The following FGF12 variants were observed in gnomAD, a reference collection of about 807,000 sequenced individuals.
The protein encoded by FGF12 is fibroblast growth factor 12B.
FGF12 carries 14 observed loss-of-function variants against 23.6 expected under a neutral mutation model. That is an observed-to-expected ratio of 0.59 (90% confidence interval 0.39 to 0.93). The LOEUF (loss-of-function observed/expected upper bound fraction) is 0.93. Among genes scored for constraint, FGF12 ranks in the 40% least tolerant of loss-of-function variants. The pLI is 0.00. For synonymous variants in FGF12, 62 were observed against 77.3 expected (o/e 0.80, Z 1.04); for missense variants, 175 against 217.8 (o/e 0.80, Z 1.24).
At chr3:192,426,071 A>G (rs1362584099) in intron 2 of FGF12, among the ~76,000 whole-genome samples, 1 of 152,208 alleles carries the variant, frequency 6.6e-6, no homozygotes, top group African/African-American at 2.4e-5. Flanking sequence ...ATAAGTAGAA[A>G]AACACATATA....
At chr3:192,718,747 G>T (rs1457138841) in intron 2 of FGF12, among the ~76,000 whole-genome samples, 1 of 152,052 alleles carries the variant, frequency 6.6e-6, no homozygotes, top group Admixed American at 6.5e-5. Flanking sequence ...TTCTCACTCA[G>T]AATCAAATTA....
In FGF12 at chr3:192,707,476, G is replaced by A. The variant is rs138349712; in HGVS notation, c.13+19705C>T. ...AAGAATGAGAACAATAGCTGGGTGC[G>A]GTGGCTCACGCCTGTAATCCCAGCA... On this transcript the variant is annotated intron_variant, in intron 2 of 5. Coordinates refer to ENST00000445105, the MANE Select transcript of FGF12 (RefSeq NM_004113.6). 2.0e-3 allele frequency among the ~76,000 whole-genome samples: 299 copies of A among 152,226 alleles called. 1 individual carries two copies. Among genetic ancestry groups the A allele is most frequent in the African/African-American group, 6.8e-3 (281 of 41,542 alleles).
chr3:192,686,055 A>C (rs970336447), intron 2 of FGF12, among the ~76,000 whole-genome samples: 1 of 152,206 alleles, frequency 6.6e-6, no homozygotes, highest in Non-Finnish European at 1.5e-5. Flanking sequence ...GGAGCTAGAA[A>C]GAGTTGGAAG....
At chr3:192,607,848 A>T (rs1468016586) in intron 2 of FGF12, among the ~76,000 whole-genome samples, 4 of 33,586 alleles carry the variant, frequency 1.2e-4, no homozygotes, top group African/African-American at 2.2e-4. Flanking sequence ...CTGAAAATTA[A>T]AAAAAAAAAA....
At chr3:192,383,818 G>T (rs1719929341) in intron 2 of FGF12, among the ~76,000 whole-genome samples, 1 of 152,164 alleles carries the variant, frequency 6.6e-6, no homozygotes, top group Non-Finnish European at 1.5e-5. Flanking sequence ...GATATTTTCA[G>T]TTGGAGGCAC....
chr3:192,230,815 C>A, intron 4 of FGF12, among the ~76,000 whole-genome samples: 1 of 152,098 alleles, frequency 6.6e-6, no homozygotes, highest in East Asian at 1.9e-4. Context: ...AAGGAATGAT[C>A]AATCAAATTC....
Position 192,686,698 on chromosome 3 carries a change from G to A in FGF12, c.13+40483C>T, listed in dbSNP as rs1717748557. 5.9e-5 allele frequency among the ~76,000 whole-genome samples: 9 copies of A among 151,826 alleles called. No homozygotes were observed. In the South Asian group the frequency reaches 1.7e-3, roughly 28 times the overall value. ...AAGGAGATGTGTAAGGCTCAGGGAT[G>A]GAGGTATATGAGGGAAAGAGATTTC... On this transcript the variant is annotated intron_variant, in intron 2 of 5. Coordinates refer to ENST00000445105, the MANE Select transcript of FGF12 (RefSeq NM_004113.6).
chr3:192,400,965 C>T lies in FGF12; in HGVS notation c.14-40427G>A, dbSNP rs182043780. Among the ~76,000 whole-genome samples the T allele has an allele frequency of 2.0e-5, 3 of 152,258 alleles. No individual in the cohort carries two copies. The East Asian group carries it at 5.8e-4, about 29-fold the overall frequency. On this transcript the variant is annotated intron_variant, in intron 2 of 5. Transcript: ENST00000445105. The stretch of plus-strand genomic sequence containing the variant: ...CTTTTTGTTTTCAGGATCCTTTACA[C>T]TCCTAGAAAGTATTGAGTACCCCGA...
intron 2 of FGF12, among the ~76,000 whole-genome samples, chr3:192,495,706 G>A (rs1723935353): frequency 6.6e-6 from 1 of 151,980 alleles, no homozygotes; most frequent in African/African-American, 2.4e-5. Flanking sequence ...TTGCTCTGTT[G>A]CCCAGGCTTA....
chr3:192,410,045 C>CGCA (rs1721143898), intron 2 of FGF12, among the ~76,000 whole-genome samples: 2 of 151,008 alleles, frequency 1.3e-5, no homozygotes, highest in Admixed American at 1.3e-4. Context: ...GCAGGAAACT[C>CGCA]GGGGCCCGGG....
chr3:192,681,706 C>G (rs1717532921), intron 2 of FGF12, among the ~76,000 whole-genome samples: 1 of 151,826 alleles, frequency 6.6e-6, no homozygotes, highest in African/African-American at 2.4e-5. Context: ...CTCCTTTTTT[C>G]AAGGAAATAT....
At chr3:192,158,675 T>TTCTTTCCTTCCTTCCTTCCCTCCCTCC (rs1560171976) in intron 5 of FGF12, among the ~76,000 whole-genome samples, 1 of 63,572 alleles carries the variant, frequency 1.6e-5, no homozygotes, top group Non-Finnish European at 2.6e-5. Context: ...CCTCCCTCCC[T>TTCTTTCCTTCCTTCCTTCCCTCCCTCC]CTCTCTCTCT....
At chr3:192,557,825 A>G (rs1291499480) in intron 2 of FGF12, among the ~76,000 whole-genome samples, 1 of 151,942 alleles carries the variant, frequency 6.6e-6, no homozygotes, top group Non-Finnish European at 1.5e-5. Flanking sequence ...TAACCACATC[A>G]TCAACTCAAT....
intron 3 of FGF12, among the ~76,000 whole-genome samples, chr3:192,348,182 G>C (rs1718049769): frequency 6.6e-6 from 1 of 152,134 alleles, no homozygotes; most frequent in South Asian, 2.1e-4. Context: ...TAATACTGTG[G>C]AGTGGGCTTA....
intron 2 of FGF12, among the ~76,000 whole-genome samples, chr3:192,694,756 C>T (rs1229988996): frequency 2.0e-5 from 3 of 151,848 alleles, no homozygotes; most frequent in African/African-American, 7.3e-5. Context: ...GAACATTATG[C>T]TAAGTGAAAT....
chr3:192,174,298 G>A (rs1715738357), intron 4 of FGF12, among the ~76,000 whole-genome samples: 1 of 152,180 alleles, frequency 6.6e-6, no homozygotes, highest in Non-Finnish European at 1.5e-5. Flanking sequence ...GGGGTCCTGA[G>A]CCAGGAACCG....
intron 2 of FGF12, among the ~76,000 whole-genome samples, chr3:192,482,588 C>T (rs185270767): frequency 1.7e-3 from 264 of 152,158 alleles, no homozygotes; most frequent in African/African-American, 5.9e-3. Flanking sequence ...GAGCCAAGAT[C>T]GCATCAGTGC....
At chr3:192,696,203 C>T (rs941645665) in intron 2 of FGF12, among the ~76,000 whole-genome samples, 1 of 151,586 alleles carries the variant, frequency 6.6e-6, no homozygotes, top group African/African-American at 2.4e-5. Flanking sequence ...AGTGGAAAAC[C>T]CCATTTGTAC....
At chr3:192,532,862 A>C (rs1431811128) in intron 2 of FGF12, among the ~76,000 whole-genome samples, 1 of 152,108 alleles carries the variant, frequency 6.6e-6, no homozygotes, top group African/African-American at 2.4e-5. Flanking sequence ...TTTTTAATGC[A>C]TAGTCATTTG....
Sources: allele counts gnomAD v4.1 joint callset (sites outside exome capture counted in the v4.1 genomes callset), GRCh38; gene constraint gnomAD v4.1.1; transcripts MANE v1.5; gene names NCBI Gene and HGNC (gene_info 2026-07-23, HGNC 2026-07-21).